DOCK3: variants seen among roughly 807,000 people sequenced by gnomAD.
DOCK3 encodes the protein dedicator of cytokinesis 3.
In DOCK3, 60 loss-of-function variants were observed where a neutral mutation model predicts 265.6. The observed-to-expected ratio is 0.23, with a 90% confidence interval of 0.18 to 0.28. The LOEUF is 0.28. Ranked by LOEUF, DOCK3 falls within the 10% of genes least tolerant of loss-of-function variation. The pLI, the probability that DOCK3 is intolerant of heterozygous loss-of-function variation, is 1.00. For missense variants in DOCK3, 1,981 were observed against 2,594.3 expected, an observed-to-expected ratio of 0.76 and a Z score of 5.14; for synonymous variants, 881 against 938.0, an observed-to-expected ratio of 0.94 and a Z score of 1.11.
chr3:51,261,359 T>C (rs1276832293), intron 23 of DOCK3, among the ~76,000 whole-genome samples: 1 of 152,166 alleles, frequency 6.6e-6, no homozygotes, highest in Non-Finnish European at 1.5e-5. Flanking sequence ...AGAGACTGCC[T>C]TGAGGAACAG....
intron 27 of DOCK3, among the ~76,000 whole-genome samples, chr3:51,307,504 A>C (rs952424766): frequency 1.3e-5 from 2 of 152,174 alleles, no homozygotes; most frequent in African/African-American, 4.8e-5. Flanking sequence ...AACTGAACAG[A>C]TATTTTCTTA....
rs1407522217 is a variant in DOCK3 at position 50,842,590 on chromosome 3, A to G, written c.162+875A>G. On this transcript the variant is annotated intron_variant, in intron 3 of 52. Transcript: ENST00000266037. The stretch of plus-strand genomic sequence containing the variant: ...TTTATTGTGGGAGACAGTCTTGTGC[A>G]ATGTGAGATGTTTAGCAGAGTATAT... 2.6e-5 allele frequency among the ~76,000 whole-genome samples: 4 copies of G among 151,972 alleles called. No individual in the cohort carries two copies. In the East Asian group the frequency reaches 5.8e-4, roughly 22 times the overall value.
chr3:51,223,042 G>C (rs575477994), intron 14 of DOCK3, among the ~76,000 whole-genome samples: 1 of 152,106 alleles, frequency 6.6e-6, no homozygotes, highest in Non-Finnish European at 1.5e-5. Context: ...GGGCTCAAGC[G>C]ATCCTCCCTC....
At chr3:50,710,999 G>A (rs1163384563) in intron 1 of DOCK3, among the ~76,000 whole-genome samples, 1 of 152,088 alleles carries the variant, frequency 6.6e-6, no homozygotes, top group Non-Finnish European at 1.5e-5. Context: ...CTTCACATTG[G>A]GCACCGCATA....
intron 1 of DOCK3, among the ~76,000 whole-genome samples, chr3:50,679,345 A>T (rs2034221063): frequency 6.6e-6 from 1 of 152,096 alleles, no homozygotes; most frequent in Non-Finnish European, 1.5e-5. Context: ...AGAACATGAA[A>T]AATTTTTCTC....
At chr3:51,054,979 A>T (rs1278563813) in intron 5 of DOCK3, among the ~76,000 whole-genome samples, 1 of 152,004 alleles carries the variant, frequency 6.6e-6, no homozygotes. Flanking sequence ...TTTCCTTATT[A>T]TATGGTGTTC....
At position 51,310,155 on chromosome 3, in the gene DOCK3, TGGC is replaced by T. The variant is rs1322141911; in HGVS notation, c.2923-73_2923-71del. Reference sequence around the variant, plus strand: ...GGTCCCACCCATTGTCATGATCTAGTGGCGGCCAGGAGTGGCCTATTGAGGAGA... The same window carrying T: ...GGTCCCACCCATTGTCATGATCTAGTGGCCAGGAGTGGCCTATTGAGGAGA... On this transcript the variant is annotated intron_variant, in intron 27 of 52. Coordinates refer to ENST00000266037, the MANE Select transcript of DOCK3 (RefSeq NM_004947.5). 3 of 1,102,770 alleles carry T rather than the reference TGGC, an allele frequency of 2.7e-6. No homozygotes were observed. The Admixed American group carries it at 6.0e-5, about 22-fold the overall frequency. The allele number at this position is 1,102,770 out of a possible 1,614,324, so 68.3% of individuals were successfully genotyped here. A position where few individuals can be genotyped will look rare whatever the true frequency, so the allele number is the denominator to read the frequency against.
chr3:50,678,042 TAAAG>T (rs904771819), intron 1 of DOCK3, among the ~76,000 whole-genome samples: 26 of 152,098 alleles, frequency 1.7e-4, no homozygotes, highest in African/African-American at 5.1e-4. Context: ...ATTACACAGA[TAAAG>T]AAACTGGATC....
chr3:51,353,828 G>C (rs1041351578), intron 40 of DOCK3, among the ~76,000 whole-genome samples: 3 of 151,966 alleles, frequency 2.0e-5, no homozygotes, highest in Non-Finnish European at 4.4e-5. Context: ...AAGAGGGGCT[G>C]GCAGTGCCTG....
chr3:50,922,909 C>T (rs767912143), intron 4 of DOCK3, among the ~76,000 whole-genome samples: 17 of 152,118 alleles, frequency 1.1e-4, no homozygotes, highest in Middle Eastern at 6.8e-3. Context: ...TGTTTTTATG[C>T]CTCTCCCCCT....
intron 3 of DOCK3, among the ~76,000 whole-genome samples, chr3:50,872,022 C>G (rs766565795): frequency 7.2e-5 from 11 of 152,184 alleles, no homozygotes; most frequent in Non-Finnish European, 1.3e-4. Flanking sequence ...CTCTGTTTCT[C>G]TAGATTTGGT....
chr3:51,071,107 A>G (rs1575966519), intron 6 of DOCK3, among the ~76,000 whole-genome samples: 1 of 152,208 alleles, frequency 6.6e-6, no homozygotes, highest in Admixed American at 6.5e-5. Flanking sequence ...TGGGGAAAGG[A>G]AAAAGATAAA....
intron 46 of DOCK3, 38 bp downstream of exon 46, chr3:51,358,115 C>T (rs1460591534): frequency 1.3e-6 from 2 of 1,593,220 alleles, no homozygotes; most frequent in Admixed American, 1.7e-5. Flanking sequence ...TGCAGTAGAA[C>T]CAGGTGTCAC....
rs748140806 is a variant in DOCK3, at chr3:51,383,640, C to T, written c.*2081C>T. ...ATGCAAGGTGAAACCGTTTGTTTTCCCTCTCCATTTTCCCTAACTAAATGA... is the reference window on the plus strand; with the variant it reads ...ATGCAAGGTGAAACCGTTTGTTTTCTCTCTCCATTTTCCCTAACTAAATGA... On this transcript the variant is annotated 3_prime_UTR_variant, in exon 53 of 53. Coordinates refer to ENST00000266037, the MANE Select transcript of DOCK3 (RefSeq NM_004947.5). 1.2e-4 allele frequency: 18 copies of T among 151,994 alleles called. No individual in the cohort carries two copies. The highest frequency in any genetic ancestry group is 1.9e-4 in the Non-Finnish European group (13 of 67,816). 9.4% of individuals were successfully genotyped at this position (151,994 alleles called of 1,614,324 possible). A position where few individuals can be genotyped will look rare whatever the true frequency, so the allele number is the denominator to read the frequency against.
In DOCK3 at chr3:51,381,812, C is replaced by T; in HGVS notation, c.*253C>T. 2 of 442,408 alleles carry T rather than the reference C, an allele frequency of 4.5e-6. No homozygotes were observed. The highest frequency in any genetic ancestry group is 3.6e-5 in the East Asian group (1 of 28,020). 27.4% of individuals were successfully genotyped at this position (442,408 alleles called of 1,614,324 possible). A position where few individuals can be genotyped will look rare whatever the true frequency, so the allele number is the denominator to read the frequency against. On this transcript the variant is annotated 3_prime_UTR_variant, in exon 53 of 53. Transcript: ENST00000266037. The surrounding 1 kb of genome is among the most constrained non-coding windows in gnomAD (Gnocchi z 5.6). ...CATTTCTATGGGTTTTCCTTTCTTT[C>T]CTTTATGCAGTAGATGCTTTCTTCC...
chr3:50,869,803 C>A (rs1318931617), intron 3 of DOCK3, among the ~76,000 whole-genome samples: 7 of 152,244 alleles, frequency 4.6e-5, no homozygotes, highest in African/African-American at 1.7e-4. Flanking sequence ...TACCTGTAAA[C>A]TTCCATCGAA....
At chr3:50,685,907 T>C (rs183821064) in intron 1 of DOCK3, 5 of 152,856 alleles carry the variant, frequency 3.3e-5, no homozygotes, top group Non-Finnish European at 7.3e-5. Flanking sequence ...TTTGTTGTTT[T>C]GTAGGAGTTC....
rs371579121 is a variant in DOCK3 at position 51,090,105 on chromosome 3, T to C, written c.592-125T>C. On this transcript the variant is annotated intron_variant, in intron 8 of 52. Transcript: ENST00000266037. ...ATCCCCTACAAGCAGAGAAAACATC[T>C]TCAGTTTCTCAAATAATCTCCTTCA... 2.8e-5 allele frequency: 32 copies of C among 1,126,794 alleles called. No homozygotes were observed. In the East Asian group the frequency reaches 7.1e-4, roughly 25 times the overall value. The allele number at this position is 1,126,794 out of a possible 1,614,324, so 69.8% of individuals were successfully genotyped here. A position where few individuals can be genotyped will look rare whatever the true frequency, so the allele number is the denominator to read the frequency against.
intron 22 of DOCK3, among the ~76,000 whole-genome samples, chr3:51,253,758 T>G (rs2079392291): frequency 6.6e-6 from 1 of 152,238 alleles, no homozygotes; most frequent in African/African-American, 2.4e-5. Context: ...CTCTCTTTTC[T>G]TCTTTATTAG....
Sources: allele counts gnomAD v4.1 joint callset (sites outside exome capture counted in the v4.1 genomes callset), GRCh38; gene constraint gnomAD v4.1.1; non-coding constraint Gnocchi (gnomAD v3.1); transcripts MANE v1.5; gene names NCBI Gene and HGNC (gene_info 2026-07-23, HGNC 2026-07-21).